Variants in FBN2 observed in about 807,000 individuals in gnomAD.
FBN2 encodes the protein fibrillin-2.
In FBN2, 105 loss-of-function variants were observed where a neutral mutation model predicts 355.6. The ratio of observed to expected loss-of-function variants is 0.30; its 90% CI spans 0.25 to 0.35. The LOEUF is 0.35. Ranked by LOEUF, FBN2 falls within the 10% of genes least tolerant of loss-of-function variation. The pLI is 1.00. For synonymous variants in FBN2, 1,350 were observed against 1,301.2 expected (o/e 1.04, Z -0.81); for missense variants, 3,280 against 3,758.7 (o/e 0.87, Z 3.33).
intron 34 of FBN2, among the ~76,000 whole-genome samples, chr5:128,326,409 A>G (rs542396796): frequency 6.6e-6 from 1 of 152,288 alleles, no homozygotes; most frequent in East Asian, 1.9e-4. Flanking sequence ...TGTTCCATTT[A>G]ATGGAGTCCT....
intron 5 of FBN2, among the ~76,000 whole-genome samples, chr5:128,500,631 AG>A: frequency 6.6e-6 from 1 of 151,554 alleles, no homozygotes; most frequent in Non-Finnish European, 1.5e-5. Flanking sequence ...TTTTTAGTAA[AG>A]ACGGAGTTTC....
intron 6 of FBN2, among the ~76,000 whole-genome samples, chr5:128,459,676 C>T (rs551043765): frequency 6.6e-5 from 10 of 152,252 alleles, no homozygotes; most frequent in Non-Finnish European, 1.0e-4. Flanking sequence ...AATCAATAAA[C>T]GTAATCCATC....
intron 7 of FBN2, among the ~76,000 whole-genome samples, chr5:128,421,413 C>G (rs184063219): frequency 2.5e-4 from 38 of 152,070 alleles, no homozygotes; most frequent in Admixed American, 1.6e-3. Context: ...AAAGTAAAAG[C>G]AAGAATAAGG....
At chr5:128,351,081 T>C in intron 20 of FBN2, 76 bp from the exon 21 acceptor site, 7 of 1,545,052 alleles carry the variant, frequency 4.5e-6, no homozygotes, top group Non-Finnish European at 6.3e-6. Flanking sequence ...ACAAAAGGCA[T>C]TTGTTACAGT....
intron 7 of FBN2, among the ~76,000 whole-genome samples, chr5:128,415,156 G>A (rs1008707385): frequency 2.0e-5 from 3 of 152,032 alleles, no homozygotes; most frequent in Non-Finnish European, 2.9e-5. Flanking sequence ...ATCAAGTCAG[G>A]GCATTTAGGG....
intron 34 of FBN2, among the ~76,000 whole-genome samples, chr5:128,323,863 G>C (rs1399136267): frequency 6.6e-6 from 1 of 152,302 alleles, no homozygotes; most frequent in Admixed American, 6.5e-5. Flanking sequence ...CAGAAGGAAT[G>C]GTACCAGCTC....
chr5:128,269,413 C>T (rs1182045180), intron 62 of FBN2, among the ~76,000 whole-genome samples: 4 of 150,778 alleles, frequency 2.7e-5, no homozygotes, highest in African/African-American at 4.9e-5. Flanking sequence ...GAGCTGAGAT[C>T]GTGCCACTGC....
intron 8 of FBN2, among the ~76,000 whole-genome samples, chr5:128,404,462 G>A (rs928764835): frequency 2.0e-5 from 3 of 152,196 alleles, no homozygotes; most frequent in African/African-American, 7.2e-5. Flanking sequence ...TTAGCTTTCC[G>A]AACCTCAAGT....
intron 4 of FBN2, 116 bp downstream of exon 4, chr5:128,527,756 T>C: frequency 1.4e-6 from 1 of 736,524 alleles, no homozygotes; most frequent in South Asian, 1.5e-5. Context: ...TAAGGTATGG[T>C]TTACTACATA....
At position 128,334,816 on chromosome 5, in the gene FBN2, A is replaced by G. The variant is rs759408247; in HGVS notation, c.4002T>C (p.Asn1334=). The part of the protein sequence containing the change: ...IDVNECDLNS[N]ICMFGECENT... ...TCTCACATTCCCCAAACATGCAGAT[A>G]TTTGAATTTAGGTCACATTCATTGA... The change falls in exon 31 of 65, where the codon AAT becomes AAC. Residue 1334 remains asparagine, a synonymous_variant. Coordinates refer to ENST00000262464, the MANE Select transcript of FBN2 (RefSeq NM_001999.4). The G allele has an allele frequency of 1.2e-6, 2 of 1,612,468 alleles. No homozygotes were observed. The highest frequency in any genetic ancestry group is 3.3e-5 in the Admixed American group (2 of 60,022).
Position 128,322,634 on chromosome 5 carries a change from A to G in FBN2, c.4472-3633T>C, listed in dbSNP as rs537598679. ...ATTTCTGAGGGCTCTGTTCTGTTCCATTGGTCTGTATCTCTGTTTTGGTAC... is the reference window on the plus strand; with the variant it reads ...ATTTCTGAGGGCTCTGTTCTGTTCCGTTGGTCTGTATCTCTGTTTTGGTAC... On this transcript the variant is annotated intron_variant, in intron 34 of 64. Coordinates refer to ENST00000262464, the MANE Select transcript of FBN2 (RefSeq NM_001999.4). 9.9e-5 allele frequency among the ~76,000 whole-genome samples: 15 copies of G among 152,042 alleles called. No homozygotes were observed. In the East Asian group the frequency reaches 2.7e-3, roughly 27 times the overall value.
Position 128,259,564 on chromosome 5 carries a change from A to G in FBN2, c.8630T>C (p.Leu2877Pro), listed in dbSNP as rs1764910335. ...TTTCTTAAGCTCCTTCTTCTTGTAG[A>G]GAGGGATGCTAGTGATTTCCAGTGT... Reference protein sequence around the residue: ...TYTLEITSIPLYKKKELKKLE... With the variant: ...TYTLEITSIPPYKKKELKKLE... Residue 2877 changes from leucine to proline, a missense_variant, in exon 65 of 65, where the codon CTC becomes CCC. Around this residue, in one of 6 missense-constraint regions of FBN2, gnomAD observed 311 missense variants for 319.1 expected, o/e 0.97. Coordinates refer to ENST00000262464, the MANE Select transcript of FBN2 (RefSeq NM_001999.4). The G allele has an allele frequency of 3.1e-6, 5 of 1,613,920 alleles. No homozygotes were observed. The South Asian group carries it at 5.5e-5, about 18-fold the overall frequency.
rs1178572464 is a variant in FBN2, at chr5:128,374,728, T to TGAA, written c.1994_1995insTTC (p.Pro665_Gly666insSer). ...TGCAGTGCCCATTCATGCAGATTCC[T>TGAA]GGGGTCTGGCATTCATCAACATCTG... On this transcript the variant is annotated inframe_insertion, in exon 15 of 65. Coordinates refer to ENST00000262464, the MANE Select transcript of FBN2 (RefSeq NM_001999.4). 4 of 1,613,934 alleles carry TGAA rather than the reference T, an allele frequency of 2.5e-6. No individual in the cohort carries two copies. The African/African-American group carries it at 4.0e-5, about 16-fold the overall frequency.
chr5:128,536,348 C>T (rs1756845669), intron 2 of FBN2, 54 bp downstream of exon 2: 2 of 1,427,902 alleles, frequency 1.4e-6, no homozygotes, highest in East Asian at 2.3e-5. Context: ...AGAGGTCGGC[C>T]GGAGATAGGG....
At chr5:128,531,736 A>G (rs781287909) in intron 2 of FBN2, among the ~76,000 whole-genome samples, 5 of 150,312 alleles carry the variant, frequency 3.3e-5, no homozygotes, top group Non-Finnish European at 4.4e-5. Context: ...ATATATATAT[A>G]TATATACACA....
chr5:128,354,333 G>A (rs961079313), intron 20 of FBN2, among the ~76,000 whole-genome samples: 1 of 152,130 alleles, frequency 6.6e-6, no homozygotes, highest in South Asian at 2.1e-4. Context: ...AGGCTGAGGG[G>A]GTGGGAGGCA....
intron 8 of FBN2, among the ~76,000 whole-genome samples, chr5:128,396,597 A>G (rs1311349698): frequency 1.3e-5 from 2 of 152,258 alleles, no homozygotes; most frequent in African/African-American, 4.8e-5. Flanking sequence ...TACACAATGG[A>G]TCAAAATGAT....
intron 25 of FBN2, among the ~76,000 whole-genome samples, chr5:128,341,347 G>C (rs1042888948): frequency 1.3e-5 from 2 of 152,150 alleles, no homozygotes; most frequent in Non-Finnish European, 2.9e-5. Context: ...GGTTAACCTG[G>C]GTTGTGGCAG....
chr5:128,484,424 T>G (rs1755279650), intron 5 of FBN2, among the ~76,000 whole-genome samples: 1 of 152,304 alleles, frequency 6.6e-6, no homozygotes, highest in East Asian at 1.9e-4. Flanking sequence ...ATATTTGCCA[T>G]AAATAATTAA....
Sources: allele counts gnomAD v4.1 joint callset (sites outside exome capture counted in the v4.1 genomes callset), GRCh38; gene constraint gnomAD v4.1.1; regional missense constraint gnomAD v4.1.1; transcripts MANE v1.5; gene names NCBI Gene and HGNC (gene_info 2026-07-23, HGNC 2026-07-21).